The following SVEP1 variants were observed in gnomAD, a reference collection of about 807,000 sequenced individuals.
The protein encoded by SVEP1 is sushi, von Willebrand factor type A, EGF and pentraxin domain containing 1, also known as sushi, von Willebrand factor type A, EGF and pentraxin domain-containing protein 1.
A neutral mutation model predicts 367.3 loss-of-function variants in SVEP1; 164 were observed. The observed-to-expected ratio is 0.45, with a 90% CI of 0.39 to 0.51. The LOEUF is 0.51. Ranked by LOEUF, SVEP1 falls within the 20% of genes least tolerant of loss-of-function variation. The pLI, the probability that SVEP1 is intolerant of heterozygous loss-of-function variation, is 0.00. For missense variants in SVEP1, 4,117 were observed against 4,425.3 expected, an observed-to-expected ratio of 0.93 and a Z score of 1.98; for synonymous variants, 1,666 against 1,611.6, an observed-to-expected ratio of 1.03 and a Z score of -0.81.
chr9:110,578,869 G>A (rs1443971091), intron 1 of SVEP1, 144 bp downstream of exon 1: 1 of 878,702 alleles, frequency 1.1e-6, no homozygotes, highest in Non-Finnish European at 1.7e-6. Context: ...GGGTAGCGAT[G>A]ACTCTGGTTT....
At chr9:110,466,256 T>C (rs1828935170) in intron 17 of SVEP1, among the ~76,000 whole-genome samples, 1 of 152,178 alleles carries the variant, frequency 6.6e-6, no homozygotes, top group African/African-American at 2.4e-5. Flanking sequence ...CCTTTTACAG[T>C]GTTTGACGCA....
intron 1 of SVEP1, among the ~76,000 whole-genome samples, chr9:110,574,578 T>G (rs1036783419): frequency 6.6e-6 from 1 of 152,118 alleles, no homozygotes; most frequent in Non-Finnish European, 1.5e-5. Flanking sequence ...ATGCAAAAAT[T>G]CAAGCCTCAA....
chr9:110,516,860 T>C (rs1347658983), intron 3 of SVEP1, among the ~76,000 whole-genome samples: 1 of 152,200 alleles, frequency 6.6e-6, no homozygotes, highest in Admixed American at 6.5e-5. Flanking sequence ...GATATATTCC[T>C]AACCTGGAGC....
chr9:110,547,522 G>C, intron 2 of SVEP1, among the ~76,000 whole-genome samples: 1 of 152,136 alleles, frequency 6.6e-6, no homozygotes, highest in Non-Finnish European at 1.5e-5. Context: ...CTGCAGCGAG[G>C]TGTGATCACA....
At chr9:110,475,539 C>CTTTT (rs59063882) in intron 14 of SVEP1, among the ~76,000 whole-genome samples, 2 of 144,362 alleles carry the variant, frequency 1.4e-5, no homozygotes, top group Non-Finnish European at 3.0e-5. Context: ...TTATTATTAT[C>CTTTT]TTTTTTTTTT....
intron 9 of SVEP1, among the ~76,000 whole-genome samples, chr9:110,484,743 G>GA (rs970068931): frequency 1.6e-3 from 233 of 144,422 alleles, no homozygotes; most frequent in African/African-American, 4.9e-3. Flanking sequence ...AGATTTACAA[G>GA]AAAAAAAAAA....
chr9:110,440,887 G>A lies in SVEP1; in HGVS notation c.4639+2658C>T, dbSNP rs188364774. Among the ~76,000 whole-genome samples the A allele has an allele frequency of 2.9e-4, 44 of 152,238 alleles. 1 individual carries two copies. Among genetic ancestry groups the A allele is most frequent in the Middle Eastern group, 3.4e-3 (1 of 294 alleles). Reference sequence around the variant, plus strand: ...CATGTATCAATAAGCTAATCTAAGTGGTGAAGGCAGAAGGGGCCATGAAAA... The same window carrying A: ...CATGTATCAATAAGCTAATCTAAGTAGTGAAGGCAGAAGGGGCCATGAAAA... On this transcript the variant is annotated intron_variant, in intron 27 of 47. Transcript: ENST00000374469.
At chr9:110,529,304 T>A (rs2118813041) in intron 3 of SVEP1, among the ~76,000 whole-genome samples, 1 of 152,242 alleles carries the variant, frequency 6.6e-6, no homozygotes, top group African/African-American at 2.4e-5. Context: ...AGTTGAGTAA[T>A]GTGATGCCTC....
Position 110,476,245 on chromosome 9 carries a change from C to T in SVEP1, c.2558G>A (p.Cys853Tyr). 1 of 1,613,470 alleles carries T rather than the reference C, an allele frequency of 6.2e-7. No individual in the cohort carries two copies. The highest frequency in any genetic ancestry group is 1.3e-5 in the African/African-American group (1 of 75,004). ...RLEENLTKKYCLEYNYDYENG... is the reference protein window; with the variant it reads ...RLEENLTKKYYLEYNYDYENG... ...TTCATAGTCATAATTATATTCTAGG[C>T]AATATTTTTTGGTCAGGTTCTCCTC... The change falls in exon 14 of 48, where the codon TGC (cysteine) becomes TAC (tyrosine). Residue 853 changes from cysteine (C) to tyrosine (Y), a missense_variant. Physicochemically the swap from Cys to Tyr is radical, Grantham distance 194 (BLOSUM62 -2). This residue lies in a region of SVEP1 where 2,174 missense variants were observed against 2,494.3 expected (regional missense o/e 0.87). Coordinates refer to ENST00000374469, the MANE Select transcript of SVEP1 (RefSeq NM_153366.4).
chr9:110,392,158 T>TA (rs1554710916), intron 40 of SVEP1, among the ~76,000 whole-genome samples: 1 of 148,598 alleles, frequency 6.7e-6, no homozygotes. Context: ...TATATATCTC[T>TA]TCTCTCTCTC....
At chr9:110,512,004 C>T (rs951082645) in intron 5 of SVEP1, among the ~76,000 whole-genome samples, 7 of 152,204 alleles carry the variant, frequency 4.6e-5, no homozygotes, top group Non-Finnish European at 8.8e-5. Flanking sequence ...TGAACCAGCA[C>T]GCCCAGTTAA....
At chr9:110,495,728 A>C (rs1222226221) in intron 8 of SVEP1, among the ~76,000 whole-genome samples, 1 of 152,106 alleles carries the variant, frequency 6.6e-6, no homozygotes, top group African/African-American at 2.4e-5. Flanking sequence ...AACCATGTAC[A>C]TATAAGAGGA....
chr9:110,517,079 C>T (rs1338294481), intron 3 of SVEP1, among the ~76,000 whole-genome samples: 1 of 151,922 alleles, frequency 6.6e-6, no homozygotes, highest in African/African-American at 2.4e-5. Flanking sequence ...ATTATGAACC[C>T]CAAGTTTTAT....
Position 110,499,186 on chromosome 9 carries a change from G to A in SVEP1, c.1536C>T (p.His512=). Residue 512 remains histidine, a synonymous_variant, in exon 7 of 48, where the codon CAC becomes CAT. Coordinates refer to ENST00000374469, the MANE Select transcript of SVEP1 (RefSeq NM_153366.4). ...ATTTGGCTGGCTGCTTGCCACAGTT[G>A]TGGGGGGATATGATGACATCTTTGG... ...QMPKDVIISP[H]NCGKQPAKFG... 1 of 1,613,616 alleles carries A rather than the reference G, an allele frequency of 6.2e-7. No homozygotes were observed.
At chr9:110,570,148 A>G (rs1830538038) in intron 1 of SVEP1, among the ~76,000 whole-genome samples, 5 of 152,224 alleles carry the variant, frequency 3.3e-5, no homozygotes, top group Admixed American at 3.3e-4. Flanking sequence ...TATGCCGGCA[A>G]TCCAGTCTTC....
intron 29 of SVEP1, among the ~76,000 whole-genome samples, 161 bp from the exon 30 acceptor site, chr9:110,434,667 A>AAAAAAAAG (rs1828405881): frequency 2.0e-5 from 1 of 50,560 alleles, no homozygotes; most frequent in African/African-American, 8.0e-5. Context: ...CAAAATCACT[A>AAAAAAAAG]AAAAAAAAAA....
At chr9:110,410,982 A>T in intron 37 of SVEP1, 81 bp downstream of exon 37, 1 of 1,282,500 alleles carries the variant, frequency 7.8e-7, no homozygotes, top group Non-Finnish European at 1.0e-6. Context: ...CAGTGTTTGG[A>T]CTCAATTATT....
intron 9 of SVEP1, among the ~76,000 whole-genome samples, chr9:110,489,219 G>T (rs1236056787): frequency 9.2e-5 from 14 of 152,192 alleles, no homozygotes; most frequent in Admixed American, 7.9e-4. Context: ...TAAAGGAGAA[G>T]TGGTCTCTGG....
intron 30 of SVEP1, among the ~76,000 whole-genome samples, chr9:110,433,827 C>T (rs1431091017): frequency 6.6e-6 from 1 of 151,888 alleles, no homozygotes; most frequent in Non-Finnish European, 1.5e-5. Context: ...GCTTCTAGCC[C>T]TTACCTTTAT....
Sources: allele counts gnomAD v4.1 joint callset (sites outside exome capture counted in the v4.1 genomes callset), GRCh38; gene constraint gnomAD v4.1.1; regional missense constraint gnomAD v4.1.1; transcripts MANE v1.5; gene names NCBI Gene and HGNC (gene_info 2026-07-23, HGNC 2026-07-21).